The following HIVEP3 variants were observed in gnomAD, a reference collection of about 807,000 sequenced individuals.
HIVEP3 encodes HIVEP zinc finger 3.
Under a neutral mutation model 152.8 loss-of-function variants are expected in HIVEP3, and 49 were observed. The ratio of observed to expected loss-of-function variants is 0.32; its 90% confidence interval spans 0.26 to 0.41. The LOEUF is 0.41. Ranked by LOEUF, HIVEP3 falls within the 10% of genes least tolerant of loss-of-function variation. The pLI, the probability that HIVEP3 is intolerant of heterozygous loss-of-function variation, is 1.00. For missense variants in HIVEP3, 2,790 were observed against 3,103.3 expected (o/e 0.90, Z 2.40); for synonymous variants, 1,269 against 1,289.0 (o/e 0.98, Z 0.33).
chr1:42,034,803 T>C (rs1645632012), intron 1 of HIVEP3, among the ~76,000 whole-genome samples: 1 of 152,238 alleles, frequency 6.6e-6, no homozygotes, highest in Admixed American at 6.5e-5. Flanking sequence ...GCAACACTTC[T>C]GATTCCTCCT....
At chr1:42,025,982 A>C (rs1343100368) in intron 1 of HIVEP3, among the ~76,000 whole-genome samples, 1 of 151,868 alleles carries the variant, frequency 6.6e-6, no homozygotes, top group Non-Finnish European at 1.5e-5. Context: ...AGGTGAGAGG[A>C]TCACTTGAAC....
At chr1:41,957,125 T>C (rs1645144394) in intron 1 of HIVEP3, among the ~76,000 whole-genome samples, 1 of 152,222 alleles carries the variant, frequency 6.6e-6, no homozygotes, top group South Asian at 2.1e-4. Context: ...CAGTAATTTA[T>C]ATTTTTACTA....
At chr1:42,003,534 A>G (rs767385023) in intron 1 of HIVEP3, among the ~76,000 whole-genome samples, 3 of 152,226 alleles carry the variant, frequency 2.0e-5, no homozygotes, top group Admixed American at 6.5e-5. Flanking sequence ...CAGAGCCAGA[A>G]GGGAGAACAG....
chr1:41,558,614 C>G (rs116771911), intron 5 of HIVEP3, among the ~76,000 whole-genome samples: 22 of 152,318 alleles, frequency 1.4e-4, no homozygotes, highest in African/African-American at 5.1e-4. Context: ...CCTGAAGACT[C>G]CACCCTGGGA....
intron 1 of HIVEP3, among the ~76,000 whole-genome samples, chr1:41,903,093 T>C (rs1159525119): frequency 6.6e-6 from 1 of 152,122 alleles, no homozygotes; most frequent in Admixed American, 6.5e-5. Flanking sequence ...ATAAAATCAA[T>C]TGAAATAAAA....
chr1:41,872,544 C>T (rs1381407983), intron 1 of HIVEP3, among the ~76,000 whole-genome samples: 3 of 152,188 alleles, frequency 2.0e-5, no homozygotes, highest in East Asian at 1.9e-4. Context: ...CGGTTAATCC[C>T]TGCTCTTATC....
chr1:41,524,995 T>G (rs1386384139), intron 5 of HIVEP3, 85 bp from the exon 6 acceptor site: 8 of 1,278,060 alleles, frequency 6.3e-6, no homozygotes, highest in African/African-American at 1.5e-5. Context: ...GCTTCCTAGA[T>G]TCATCCAGCC....
chr1:41,815,431 A>G (rs1651201834), intron 1 of HIVEP3, among the ~76,000 whole-genome samples: 1 of 152,210 alleles, frequency 6.6e-6, no homozygotes, highest in Non-Finnish European at 1.5e-5. Context: ...TGATCACACC[A>G]CCGCACTCCA....
At chr1:41,635,918 T>G (rs1645266755) in intron 2 of HIVEP3, among the ~76,000 whole-genome samples, 1 of 152,182 alleles carries the variant, frequency 6.6e-6, no homozygotes, top group African/African-American at 2.4e-5. Context: ...AGGTAGACTC[T>G]AATAACTATA....
intron 1 of HIVEP3, among the ~76,000 whole-genome samples, chr1:41,703,847 T>C (rs754993944): frequency 2.2e-4 from 34 of 151,982 alleles, no homozygotes; most frequent in Non-Finnish European, 4.4e-4. Context: ...GAAGCTGGAG[T>C]CCCCCAGTTC....
chr1:41,604,422 T>A (rs1489529521), intron 3 of HIVEP3, among the ~76,000 whole-genome samples: 1 of 152,166 alleles, frequency 6.6e-6, no homozygotes, highest in African/African-American at 2.4e-5. Flanking sequence ...TCAGACACAA[T>A]AGACTATATG....
intron 2 of HIVEP3, among the ~76,000 whole-genome samples, chr1:41,672,166 T>A (rs1645887471): frequency 6.6e-6 from 1 of 152,200 alleles, no homozygotes; most frequent in South Asian, 2.1e-4. Flanking sequence ...CCCTGTTGAC[T>A]TCCTCCATGG....
chr1:41,708,816 A>G (rs1303216722), intron 1 of HIVEP3, among the ~76,000 whole-genome samples: 3 of 152,212 alleles, frequency 2.0e-5, no homozygotes, highest in African/African-American at 4.8e-5. Flanking sequence ...CTTCAAGTCA[A>G]GTACTAGAAG....
At chr1:41,530,630 C>T (rs35037106) in intron 5 of HIVEP3, among the ~76,000 whole-genome samples, 1 of 152,198 alleles carries the variant, frequency 6.6e-6, no homozygotes, top group Non-Finnish European at 1.5e-5. Context: ...CCGCCACCAC[C>T]TGCAATGGTG....
chr1:41,589,070 C>A (rs1014082598), intron 3 of HIVEP3, among the ~76,000 whole-genome samples: 5 of 152,204 alleles, frequency 3.3e-5, no homozygotes, highest in African/African-American at 1.2e-4. Context: ...TCTTTTCTAC[C>A]TTCTGTGGTT....
intron 1 of HIVEP3, among the ~76,000 whole-genome samples, chr1:41,804,775 G>C (rs1650503139): frequency 6.6e-6 from 1 of 152,060 alleles, no homozygotes; most frequent in Non-Finnish European, 1.5e-5. Flanking sequence ...CCCTCCAATA[G>C]GCTGGTCAGA....
chr1:41,738,603 T>C (rs537297097), intron 1 of HIVEP3, among the ~76,000 whole-genome samples: 1 of 152,318 alleles, frequency 6.6e-6, no homozygotes, highest in Non-Finnish European at 1.5e-5. Flanking sequence ...CAAGTTCCCA[T>C]GATCCATCAG....
intron 2 of HIVEP3, among the ~76,000 whole-genome samples, chr1:41,652,960 A>G (rs1645573937): frequency 6.6e-6 from 1 of 152,128 alleles, no homozygotes; most frequent in Non-Finnish European, 1.5e-5. Context: ...GCCTCCCATG[A>G]GCACCGCACG....
rs548162736 is a variant in HIVEP3, at chr1:41,815,890, C to T, written c.-801+102523G>A. Among the ~76,000 whole-genome samples the T allele has an allele frequency of 2.6e-5, 4 of 152,182 alleles. No homozygotes were observed. In the East Asian group the frequency reaches 7.7e-4, roughly 29 times the overall value. Reference sequence around the variant, plus strand: ...GTTCAAGCAATCCTCCTGTCTCAGCCTCCTGAGTAGCTGGAGAACCACATC... The same window carrying T: ...GTTCAAGCAATCCTCCTGTCTCAGCTTCCTGAGTAGCTGGAGAACCACATC... On this transcript the variant is annotated intron_variant, in intron 1 of 8. Transcript: ENST00000372583.
Sources: allele counts gnomAD v4.1 joint callset (sites outside exome capture counted in the v4.1 genomes callset), GRCh38; gene constraint gnomAD v4.1.1; transcripts MANE v1.5; gene names NCBI Gene and HGNC (gene_info 2026-07-23, HGNC 2026-07-21).